Variants in PSD3 observed in about 807,000 individuals in gnomAD.
The protein encoded by PSD3 is pleckstrin and Sec7 domain containing 3, also known as PH and SEC7 domain-containing protein 3.
PSD3 carries 49 observed loss-of-function variants against 105.5 expected under a neutral mutation model. The observed-to-expected ratio is 0.46, with a 90% CI of 0.37 to 0.59. The LOEUF (loss-of-function observed/expected upper bound fraction) is 0.59. PSD3 is among the 20% of genes least tolerant of loss of function. PSD3 has a pLI of 0.00. For synonymous variants in PSD3, 557 were observed against 457.8 expected (o/e 1.22, Z -2.77); for missense variants, 1,561 against 1,263.8 (o/e 1.24, Z -3.57).
chr8:19,032,686 T>C (rs1489656082), intron 1 of PSD3, among the ~76,000 whole-genome samples: 1 of 151,606 alleles, frequency 6.6e-6, no homozygotes, highest in Admixed American at 6.6e-5. Flanking sequence ...TCCAAGTTGA[T>C]TTATGTTGTA....
At chr8:18,633,969 T>G (rs1807076949) in intron 10 of PSD3, among the ~76,000 whole-genome samples, 1 of 151,516 alleles carries the variant, frequency 6.6e-6, no homozygotes, top group Non-Finnish European at 1.5e-5. Flanking sequence ...CTGACTGGTG[T>G]CAGATGGTAT....
In PSD3 at chr8:18,751,142, G is replaced by T. The variant is rs558487176; in HGVS notation, c.2172+14307C>A. Among the ~76,000 whole-genome samples the T allele has an allele frequency of 2.0e-5, 3 of 152,270 alleles. No homozygotes were observed. In the South Asian group the frequency reaches 6.2e-4, roughly 32 times the overall value. On this transcript the variant is annotated intron_variant, in intron 9 of 15. Transcript: ENST00000327040. Reference sequence around the variant, plus strand: ...GGCCGCACAGGAACCCACGGAGGCGGGGAAGGCTCAGGCATGGCGGGCTGC... The same window carrying T: ...GGCCGCACAGGAACCCACGGAGGCGTGGAAGGCTCAGGCATGGCGGGCTGC...
intron 8 of PSD3, chr8:18,775,052 C>T (rs1807914650): frequency 4.7e-6 from 2 of 429,380 alleles, no homozygotes; most frequent in African/African-American, 2.0e-5. Flanking sequence ...CCAATCTACT[C>T]TCTACCTTCA....
intron 8 of PSD3, among the ~76,000 whole-genome samples, chr8:18,798,872 A>T (rs35884486): frequency 1.4e-5 from 2 of 140,066 alleles, no homozygotes; most frequent in African/African-American, 5.0e-5. Flanking sequence ...AGACTAGATA[A>T]GCTGAGGGGC....
intron 2 of PSD3, among the ~76,000 whole-genome samples, chr8:18,910,932 C>T: frequency 6.8e-6 from 1 of 148,060 alleles, no homozygotes; most frequent in South Asian, 2.2e-4. Context: ...ACATAAAATT[C>T]AAAAAAATAA....
At chr8:18,905,487 A>G (rs901625314) in intron 2 of PSD3, among the ~76,000 whole-genome samples, 1 of 151,938 alleles carries the variant, frequency 6.6e-6, no homozygotes, top group Non-Finnish European at 1.5e-5. Flanking sequence ...CCATTCCCGG[A>G]TAATTTTTGT....
At chr8:18,753,627 A>G (rs1051168940) in intron 9 of PSD3, among the ~76,000 whole-genome samples, 1 of 152,188 alleles carries the variant, frequency 6.6e-6, no homozygotes, top group African/African-American at 2.4e-5. Context: ...TCCAACATTG[A>G]CAGGGAACAG....
chr8:19,021,640 T>C (rs1466771257), intron 1 of PSD3, among the ~76,000 whole-genome samples: 2 of 152,188 alleles, frequency 1.3e-5, no homozygotes, highest in Non-Finnish European at 2.9e-5. Context: ...AACCAGGATT[T>C]TGAATAAGTT....
chr8:19,030,688 A>G (rs552945323), intron 1 of PSD3, among the ~76,000 whole-genome samples: 1 of 152,194 alleles, frequency 6.6e-6, no homozygotes, highest in African/African-American at 2.4e-5. Context: ...CTGTGAACCA[A>G]TTAAACCTCT....
intron 2 of PSD3, among the ~76,000 whole-genome samples, chr8:18,879,037 AAC>A (rs1307153950): frequency 3.4e-5 from 4 of 118,088 alleles, no homozygotes; most frequent in South Asian, 5.3e-4. Flanking sequence ...CAAACAAACA[AAC>A]ACACACACAC....
At chr8:18,837,628 G>A (rs1340230376) in intron 4 of PSD3, among the ~76,000 whole-genome samples, 1 of 152,118 alleles carries the variant, frequency 6.6e-6, no homozygotes, top group Non-Finnish European at 1.5e-5. Context: ...GATAGTAACT[G>A]AAATGAGACT....
intron 12 of PSD3, among the ~76,000 whole-genome samples, chr8:18,579,138 G>A (rs11990525): frequency 0.12 from 9,370 of 80,244 alleles, 358 homozygotes; most frequent in African/African-American, 0.17. Context: ...ACACACAAAG[G>A]GCAAAACCAA....
chr8:18,656,247 G>A (rs1484903529), intron 9 of PSD3, among the ~76,000 whole-genome samples: 3 of 151,944 alleles, frequency 2.0e-5, no homozygotes, highest in South Asian at 2.1e-4. Flanking sequence ...TAGTAGAGAC[G>A]GGGTTTCACC....
intron 9 of PSD3, among the ~76,000 whole-genome samples, chr8:18,694,957 T>G (rs1249417897): frequency 6.6e-6 from 1 of 152,186 alleles, no homozygotes; most frequent in Non-Finnish European, 1.5e-5. Flanking sequence ...TAAAAAAATC[T>G]AATACATTTT....
At chr8:19,007,786 G>C (rs1172225038) in intron 1 of PSD3, among the ~76,000 whole-genome samples, 1 of 152,208 alleles carries the variant, frequency 6.6e-6, no homozygotes, top group East Asian at 1.9e-4. Context: ...GATACTTTCA[G>C]ATATTAGCTC....
At chr8:18,900,643 C>CTTTTTTTT (rs34004085) in intron 2 of PSD3, among the ~76,000 whole-genome samples, 1 of 83,968 alleles carries the variant, frequency 1.2e-5, no homozygotes. Flanking sequence ...AGAGACAACT[C>CTTTTTTTT]TTTTTTTTTT....
intron 1 of PSD3, among the ~76,000 whole-genome samples, chr8:19,024,803 G>C (rs1460629631): frequency 6.6e-6 from 1 of 152,128 alleles, no homozygotes; most frequent in Non-Finnish European, 1.5e-5. Context: ...TGGGAGAGTG[G>C]TGTGCCCAGA....
intron 1 of PSD3, among the ~76,000 whole-genome samples, chr8:18,938,572 G>A (rs1039253388): frequency 2.0e-4 from 30 of 149,422 alleles, no homozygotes; most frequent in African/African-American, 6.7e-4. Context: ...GCAGTGAACC[G>A]CGATGGCGCT....
intron 4 of PSD3, among the ~76,000 whole-genome samples, chr8:18,808,264 T>C (rs1811378023): frequency 6.6e-6 from 1 of 152,162 alleles, no homozygotes; most frequent in South Asian, 2.1e-4. Flanking sequence ...AAAGAAAGGA[T>C]TTTCTTCTTA....
Sources: gnomAD v4.1 joint callset for allele counts (sites outside exome capture counted in the v4.1 genomes callset) on GRCh38, gnomAD v4.1.1 for gene constraint, MANE v1.5 for transcripts, NCBI Gene and HGNC (gene_info 2026-07-23, HGNC 2026-07-21) for gene names.